Variants in SIL1 observed in about 807,000 individuals in gnomAD.
The protein encoded by SIL1 is nucleotide exchange factor SIL1.
In SIL1, 40 loss-of-function variants were observed where a neutral mutation model predicts 49.1. The observed-to-expected ratio is 0.81, with a 90% CI of 0.63 to 1.06. SIL1 has a LOEUF of 1.06. Among genes scored for constraint, SIL1 ranks in the 50% least tolerant of loss-of-function variants. The probability of loss-of-function intolerance (pLI) is 0.00; values close to 1 mark genes in which losing one functional copy is unlikely to be tolerated. For synonymous variants in SIL1, 253 were observed against 250.8 expected (o/e 1.01, Z -0.08); for missense variants, 500 against 572.6 (o/e 0.87, Z 1.29).
chr5:138,971,732 T>C (rs917170871), intron 7 of SIL1, among the ~76,000 whole-genome samples: 7 of 152,130 alleles, frequency 4.6e-5, no homozygotes, highest in South Asian at 2.1e-4. Context: ...CTCAGCATAA[T>C]AGCTGCAAAA....
At chr5:138,993,160 T>G (rs1360634556) in intron 7 of SIL1, among the ~76,000 whole-genome samples, 1 of 152,196 alleles carries the variant, frequency 6.6e-6, no homozygotes, top group Non-Finnish European at 1.5e-5. Flanking sequence ...ATTTGACAGC[T>G]TCTGGGATCC....
intron 7 of SIL1, among the ~76,000 whole-genome samples, chr5:139,002,156 A>G (rs1042873424): frequency 6.6e-6 from 1 of 151,928 alleles, no homozygotes; most frequent in East Asian, 1.9e-4. Flanking sequence ...GCTGCAGTGA[A>G]CCAAGATCAT....
At chr5:139,008,037 T>C (rs1452629271) in intron 7 of SIL1, among the ~76,000 whole-genome samples, 2 of 152,152 alleles carry the variant, frequency 1.3e-5, no homozygotes, top group Non-Finnish European at 2.9e-5. Flanking sequence ...GAAGGAATGG[T>C]ACCAGTTCCT....
chr5:138,986,081 G>A (rs1767644930), intron 7 of SIL1, among the ~76,000 whole-genome samples: 1 of 152,124 alleles, frequency 6.6e-6, no homozygotes, highest in Admixed American at 6.5e-5. Flanking sequence ...AGCTACCCCA[G>A]GTGTCTGTTT....
chr5:139,137,621 C>T, intron 1 of SIL1: 2 of 289,654 alleles, frequency 6.9e-6, no homozygotes, highest in Non-Finnish European at 1.3e-5. Context: ...TGTTGGTGTG[C>T]TGCACCCATT....
intron 3 of SIL1, among the ~76,000 whole-genome samples, chr5:139,072,496 C>T (rs928367909): frequency 6.6e-6 from 1 of 152,124 alleles, no homozygotes; most frequent in South Asian, 2.1e-4. Flanking sequence ...AATGGAATAT[C>T]CACATGTAAA....
intron 1 of SIL1, chr5:139,196,669 T>C (rs1752280964): frequency 6.6e-6 from 1 of 152,198 alleles, no homozygotes; most frequent in Admixed American, 6.5e-5. Context: ...GCCAATTTCA[T>C]TAAAACAGCA....
chr5:139,134,039 C>T (rs987881876), intron 1 of SIL1, among the ~76,000 whole-genome samples: 3 of 152,106 alleles, frequency 2.0e-5, no homozygotes, highest in East Asian at 1.9e-4. Context: ...AGGTTGGTAG[C>T]GAGGATTAAA....
At chr5:139,105,661 G>A (rs907097480) in intron 3 of SIL1, among the ~76,000 whole-genome samples, 4 of 152,164 alleles carry the variant, frequency 2.6e-5, no homozygotes, top group South Asian at 2.1e-4. Context: ...ATTCCCTCCC[G>A]GCGGCCTGCT....
At chr5:139,027,086 CT>C in intron 5 of SIL1, 94 bp from the exon 6 acceptor site, 1 of 1,161,516 alleles carries the variant, frequency 8.6e-7, no homozygotes. Flanking sequence ...CAAAAAACTG[CT>C]GCTCCAAGAC....
At chr5:139,169,606 C>T (rs1416913384) in intron 1 of SIL1, among the ~76,000 whole-genome samples, 1 of 151,752 alleles carries the variant, frequency 6.6e-6, no homozygotes, top group Non-Finnish European at 1.5e-5. Flanking sequence ...CTCAGCCTCC[C>T]GAGTAGCTGG....
intron 7 of SIL1, among the ~76,000 whole-genome samples, chr5:138,967,685 C>CA (rs895937892): frequency 6.6e-6 from 1 of 152,090 alleles, no homozygotes; most frequent in Non-Finnish European, 1.5e-5. Flanking sequence ...GTCACAACGA[C>CA]AAAAAATACA....
chr5:139,181,309 G>A (rs2151819765), intron 1 of SIL1, among the ~76,000 whole-genome samples: 2 of 152,258 alleles, frequency 1.3e-5, no homozygotes, highest in East Asian at 3.9e-4. Flanking sequence ...AGAAACAGAG[G>A]CTCAACTAGG....
At chr5:139,010,368 T>A (rs1327034345) in intron 7 of SIL1, among the ~76,000 whole-genome samples, 3 of 149,430 alleles carry the variant, frequency 2.0e-5, no homozygotes, top group East Asian at 2.0e-4. Context: ...ATTCTTCTAA[T>A]TTTTTTTCAA....
chr5:139,187,517 T>C (rs540915456), intron 1 of SIL1, among the ~76,000 whole-genome samples: 6 of 136,092 alleles, frequency 4.4e-5, no homozygotes, highest in African/African-American at 1.7e-4. Context: ...GACTCCATCT[T>C]AAAAAAAAAA....
At position 138,947,735 on chromosome 5, in the gene SIL1, G is replaced by C. The variant is rs952524655; in HGVS notation, c.1030-262C>G. Reference sequence around the variant, plus strand: ...TTACCCTCAAGGAGCTTAAGGTCTAGCAGGAGAATAAAAATTAACTAATTC... The same window carrying C: ...TTACCCTCAAGGAGCTTAAGGTCTACCAGGAGAATAAAAATTAACTAATTC... On this transcript the variant is annotated intron_variant, in intron 9 of 9. Coordinates refer to ENST00000394817, the MANE Select transcript of SIL1 (RefSeq NM_022464.5). The surrounding 1 kb of genome is among the most constrained non-coding windows in gnomAD (Gnocchi z 4.1). 1.3e-5 allele frequency among the ~76,000 whole-genome samples: 2 copies of C among 152,208 alleles called. No individual in the cohort carries two copies. Among genetic ancestry groups the C allele is most frequent in the Non-Finnish European group, 2.9e-5 (2 of 68,042 alleles).
At chr5:138,977,456 C>A (rs1044724879) in intron 7 of SIL1, among the ~76,000 whole-genome samples, 3 of 152,070 alleles carry the variant, frequency 2.0e-5, no homozygotes, top group Non-Finnish European at 4.4e-5. Context: ...GCAAAGCAAT[C>A]AGAGGAATCT....
At chr5:138,952,421 A>C (rs1766802453) in intron 7 of SIL1, among the ~76,000 whole-genome samples, 1 of 152,236 alleles carries the variant, frequency 6.6e-6, no homozygotes, top group African/African-American at 2.4e-5. Context: ...GGCAGGAAGA[A>C]AGTGCAAGAG....
chr5:138,999,661 A>G (rs926193915), intron 7 of SIL1, among the ~76,000 whole-genome samples: 1 of 152,202 alleles, frequency 6.6e-6, no homozygotes, highest in African/African-American at 2.4e-5. Context: ...AAAAATAATA[A>G]TAAAGAATAA....
Sources: gnomAD v4.1 joint callset for allele counts (sites outside exome capture counted in the v4.1 genomes callset) on GRCh38, gnomAD v4.1.1 for gene constraint, Gnocchi (gnomAD v3.1) non-coding constraint, MANE v1.5 for transcripts, NCBI Gene and HGNC (gene_info 2026-07-23, HGNC 2026-07-21) for gene names.